Variants in PSMA8 observed in about 807,000 individuals in gnomAD.
PSMA8 encodes the protein proteasome 20S subunit alpha 8.
A neutral mutation model predicts 32.4 loss-of-function variants in PSMA8; 18 were observed. That is an observed-to-expected ratio of 0.56 (90% CI 0.38 to 0.82). PSMA8 has a LOEUF of 0.82. PSMA8 is among the 40% of genes least tolerant of loss of function. The probability of loss-of-function intolerance (pLI) is 0.00; values close to 1 mark genes in which losing one functional copy is unlikely to be tolerated. For missense variants in PSMA8, 298 were observed against 300.7 expected (o/e 0.99, Z 0.07); for synonymous variants, 104 against 98.1 (o/e 1.06, Z -0.36).
intron 6 of PSMA8, 43 bp downstream of exon 6, chr18:26,179,173 G>A: frequency 1.3e-6 from 2 of 1,516,426 alleles, no homozygotes; most frequent in Non-Finnish European, 9.0e-7. Flanking sequence ...GTAGTATAAA[G>A]TATTTTGACA....
chr18:26,138,626 A>G lies in PSMA8; in HGVS notation c.102+4559A>G, dbSNP rs796714564. ...TTTTGGTCTTCATTTTATTTTCCAAATATTTCTCAGGCTACCTATGGTCAG... is the reference window on the plus strand; with the variant it reads ...TTTTGGTCTTCATTTTATTTTCCAAGTATTTCTCAGGCTACCTATGGTCAG... On this transcript the variant is annotated intron_variant, in intron 1 of 6. Transcript: ENST00000415576. Among the ~76,000 whole-genome samples, 8 of 152,300 alleles carry G rather than the reference A, an allele frequency of 5.3e-5. 1 individual carries two copies. The highest frequency in any genetic ancestry group is 1.9e-4 in the African/African-American group (8 of 41,562).
chr18:26,174,429 T>A (rs1163028387), intron 4 of PSMA8, among the ~76,000 whole-genome samples: 1 of 152,232 alleles, frequency 6.6e-6, no homozygotes, highest in African/African-American at 2.4e-5. Flanking sequence ...TATTCAAAAC[T>A]TTGTTTCAGT....
intron 6 of PSMA8, 61 bp from the exon 7 acceptor site, chr18:26,192,258 T>C (rs968020728): frequency 1.8e-6 from 2 of 1,088,676 alleles, no homozygotes; most frequent in Non-Finnish European, 2.3e-6. Flanking sequence ...ATTCTTCATA[T>C]TGTATTTACA....
At chr18:26,150,241 A>G (rs1352335038) in intron 2 of PSMA8, among the ~76,000 whole-genome samples, 1 of 152,148 alleles carries the variant, frequency 6.6e-6, no homozygotes, top group East Asian at 1.9e-4. Flanking sequence ...ACCTGTACAT[A>G]TTTCAGAGCA....
At chr18:26,157,840 T>A (rs1194445984) in intron 3 of PSMA8, among the ~76,000 whole-genome samples, 1 of 152,146 alleles carries the variant, frequency 6.6e-6, no homozygotes, top group Non-Finnish European at 1.5e-5. Context: ...ATATTAGAAA[T>A]TACAGTCTAG....
At chr18:26,146,640 A>T (rs915140497) in intron 2 of PSMA8, among the ~76,000 whole-genome samples, 1 of 151,856 alleles carries the variant, frequency 6.6e-6, no homozygotes, top group Non-Finnish European at 1.5e-5. Flanking sequence ...GCGTGTGCCT[A>T]TAGTCCCAGC....
In PSMA8 at chr18:26,177,744, G is replaced by T. The variant is rs371088011; in HGVS notation, c.478-1086G>T. 2.0e-5 allele frequency among the ~76,000 whole-genome samples: 3 copies of T among 152,090 alleles called. No individual in the cohort carries two copies. In the East Asian group the frequency reaches 5.8e-4, roughly 29 times the overall value. On this transcript the variant is annotated intron_variant, in intron 4 of 6. Coordinates refer to ENST00000415576, the MANE Select transcript of PSMA8 (RefSeq NM_001025096.2). The stretch of plus-strand genomic sequence containing the variant: ...TCAAAGATGATAACAAATCAATTAG[G>T]TTACCACTATACTTATTCTAAAATC...
intron 4 of PSMA8, among the ~76,000 whole-genome samples, chr18:26,158,620 T>G (rs1382448614): frequency 6.6e-6 from 1 of 152,204 alleles, no homozygotes; most frequent in African/African-American, 2.4e-5. Flanking sequence ...ACTGAAATAT[T>G]TAATTCATCT....
At chr18:26,152,529 TGCCCAGGTTGGTCTTGAACTCCTGA>T (rs2055055131) in intron 3 of PSMA8, among the ~76,000 whole-genome samples, 1 of 152,126 alleles carries the variant, frequency 6.6e-6, no homozygotes, top group South Asian at 2.1e-4. Context: ...TTTGCTATAT[TGCCCAGGTTGGTCTTGAACTCCTGA>T]GCTCAAGCAG....
chr18:26,189,801 C>T (rs1354519926), intron 6 of PSMA8, among the ~76,000 whole-genome samples: 1 of 151,894 alleles, frequency 6.6e-6, no homozygotes, highest in Non-Finnish European at 1.5e-5. Context: ...GGGTGTATAC[C>T]CAAAAGAAAG....
rs1243885406 is a variant in PSMA8, at chr18:26,171,235, C to T, written c.478-7595C>T. 2.6e-6 allele frequency: 4 copies of T among 1,558,984 alleles called. 1 individual carries two copies. The highest frequency in any genetic ancestry group is 3.4e-6 in the Non-Finnish European group (4 of 1,170,570). ...GGCCAGGGCAGGTCCCCGTTCTTGCCGATGCCCATGTTCTGGGACACAGCG... is the reference window on the plus strand; with the variant it reads ...GGCCAGGGCAGGTCCCCGTTCTTGCTGATGCCCATGTTCTGGGACACAGCG... On this transcript the variant is annotated intron_variant, in intron 4 of 6. Coordinates refer to ENST00000415576, the MANE Select transcript of PSMA8 (RefSeq NM_001025096.2).
At chr18:26,179,312 T>A (rs1598668537) in intron 6 of PSMA8, among the ~76,000 whole-genome samples, 182 bp downstream of exon 6, 2 of 139,548 alleles carry the variant, frequency 1.4e-5, no homozygotes, top group African/African-American at 5.8e-5. Flanking sequence ...TTTTTTTTTT[T>A]AAATAGAGAC....
intron 4 of PSMA8, chr18:26,170,968 C>T: frequency 6.4e-7 from 1 of 1,556,696 alleles, no homozygotes; most frequent in South Asian, 1.1e-5. Context: ...ACTTTATTTG[C>T]TAATTCTGGT....
rs758171767 is a variant in PSMA8 at position 26,179,049 on chromosome 18, T to C, written c.598-19T>C. On this transcript the variant is annotated intron_variant, in intron 5 of 6. Coordinates refer to ENST00000415576, the MANE Select transcript of PSMA8 (RefSeq NM_001025096.2). ...AAATTTGCTGAAATAATTCTAATAG[T>C]GTACTTGTTCTACATTAGGTTGTCC... is the stretch of plus-strand genomic sequence containing the variant. 6.2e-6 allele frequency: 10 copies of C among 1,610,306 alleles called. No individual in the cohort carries two copies. The South Asian group carries it at 8.9e-5, about 14-fold the overall frequency.
At chr18:26,178,692 G>A in intron 4 of PSMA8, 138 bp from the exon 5 acceptor site, 1 of 724,954 alleles carries the variant, frequency 1.4e-6, no homozygotes, top group Non-Finnish European at 2.2e-6. Flanking sequence ...TGTTTGCTAT[G>A]TTTTCAAATC....
intron 1 of PSMA8, among the ~76,000 whole-genome samples, chr18:26,139,892 T>G (rs1336081277): frequency 6.6e-6 from 1 of 152,240 alleles, no homozygotes; most frequent in Non-Finnish European, 1.5e-5. Context: ...GTCTGTTCGT[T>G]GAACTTCTCA....
chr18:26,134,517 T>A (rs2054895307), intron 1 of PSMA8, among the ~76,000 whole-genome samples: 2 of 152,146 alleles, frequency 1.3e-5, no homozygotes, highest in African/African-American at 4.8e-5. Flanking sequence ...TGCTTCATGT[T>A]GGGAACTGTT....
chr18:26,142,666 C>T (rs1013060824), intron 1 of PSMA8, among the ~76,000 whole-genome samples: 1 of 152,174 alleles, frequency 6.6e-6, no homozygotes, highest in African/African-American at 2.4e-5. Flanking sequence ...TTATTTCTCA[C>T]AATTCTAAAG....
In PSMA8 at chr18:26,176,795, T is replaced by C. The variant is rs574485640; in HGVS notation, c.478-2035T>C. ...TAAAAATAAAAATATTAGCTGGGCA[T>C]GGTGGCAGACACCTATAATCCCAGC... is the stretch of plus-strand genomic sequence containing the variant. On this transcript the variant is annotated intron_variant, in intron 4 of 6. Coordinates refer to ENST00000415576, the MANE Select transcript of PSMA8 (RefSeq NM_001025096.2). Among the ~76,000 whole-genome samples the C allele has an allele frequency of 2.0e-5, 3 of 152,130 alleles. No individual in the cohort carries two copies. In the East Asian group the frequency reaches 5.8e-4, roughly 29 times the overall value.
Sources: allele counts gnomAD v4.1 joint callset (sites outside exome capture counted in the v4.1 genomes callset), GRCh38; gene constraint gnomAD v4.1.1; transcripts MANE v1.5; gene names NCBI Gene and HGNC (gene_info 2026-07-23, HGNC 2026-07-21).